The following EPHA10 variants were observed in gnomAD, a reference collection of about 807,000 sequenced individuals.
EPHA10 encodes EPH receptor A10, also known as ephrin type-A receptor 10.
EPHA10 carries 120 observed loss-of-function variants against 109.7 expected under a neutral mutation model. That is an observed-to-expected ratio of 1.09 (90% CI 0.94 to 1.27). The LOEUF (loss-of-function observed/expected upper bound fraction) is 1.27, where lower values mean the gene tolerates loss of function less well. Among genes scored for constraint, EPHA10 ranks in the 50% most tolerant of loss-of-function variants. The probability of loss-of-function intolerance (pLI) is 0.00; values close to 1 mark genes in which losing one functional copy is unlikely to be tolerated. For synonymous variants in EPHA10, 640 were observed against 618.9 expected, an observed-to-expected ratio of 1.03 and a Z score of -0.51; for missense variants, 1,396 against 1,411.1, an observed-to-expected ratio of 0.99 and a Z score of 0.17.
At chr1:37,761,108 TG>T in intron 3 of EPHA10, 1 of 1,064,376 alleles carries the variant, frequency 9.4e-7, no homozygotes. Context: ...AAAAAAACAA[TG>T]ACTTCCTTTA....
At chr1:37,730,152 G>A (rs1451321053) in intron 7 of EPHA10, among the ~76,000 whole-genome samples, 2 of 152,088 alleles carry the variant, frequency 1.3e-5, no homozygotes, top group African/African-American at 2.4e-5. Context: ...ACATTCAAAT[G>A]ATCCCCAGCT....
rs758553018 is a variant in EPHA10 at position 37,754,312 on chromosome 1, T to C, written c.909A>G (p.Pro303=). 7.6e-6 allele frequency: 10 copies of C among 1,320,578 alleles called. No homozygotes were observed. Among genetic ancestry groups the C allele is most frequent in the Non-Finnish European group, 9.7e-6 (10 of 1,029,392 alleles). 81.8% of individuals were successfully genotyped at this position (1,320,578 alleles called of 1,614,324 possible). The change falls in exon 4 of 17, where the codon CCA becomes CCG. Residue 303 remains proline, a synonymous_variant. Transcript: ENST00000373048. The surrounding 1 kb of genome is among the most constrained non-coding windows in gnomAD (Gnocchi z 4.5). ...SPRRPLCSPC[P]EHSRALENAS... ...CGTTTTCCAGGGCCCGGCTGTGCTCTGGGCACGGTGAGCAGAGGGGCCGCC... is the reference window on the plus strand; with the variant it reads ...CGTTTTCCAGGGCCCGGCTGTGCTCCGGGCACGGTGAGCAGAGGGGCCGCC...
In EPHA10 at chr1:37,761,726, CCT is replaced by C. The variant is rs1646433657; in HGVS notation, c.527_528del (p.Glu176GlyfsTer104). 8.1e-6 allele frequency: 13 copies of C among 1,613,796 alleles called. No individual in the cohort carries two copies. The East Asian group carries it at 2.9e-4, about 36-fold the overall frequency. Reference protein sequence around the residue: ...LGERKMKLNTEVREIGPLSRR... With the variant: ...LGERKMKLNTXVREIGPLSRR... ...CGGCTGAGCGGTCCGATCTCGCGCACCTCTGTGTTCAGCTTCATCTTGCGCTC... is the reference window on the plus strand; with the variant it reads ...CGGCTGAGCGGTCCGATCTCGCGCACCTGTGTTCAGCTTCATCTTGCGCTC... On this transcript the variant is annotated frameshift_variant, in exon 3 of 17. Transcript: ENST00000373048. LOFTEE classifies it high-confidence loss of function.
Position 37,761,670 on chromosome 1 carries a change from C to G in EPHA10, c.585G>C (p.Val195=), listed in dbSNP as rs768647182. 2 of 1,610,768 alleles carry G rather than the reference C, an allele frequency of 1.2e-6. No individual in the cohort carries two copies. Among genetic ancestry groups the G allele is most frequent in the Non-Finnish European group, 1.7e-6 (2 of 1,179,880 alleles). ...RRGFHLAFQD[V]GACVALVSVR... is the part of the protein sequence containing the mutation. ...CCGAGACAAGCGCCACGCATGCGCCCACGTCCTGAAAGGCCAGGTGGAAAC... is the reference window on the plus strand; with the variant it reads ...CCGAGACAAGCGCCACGCATGCGCCGACGTCCTGAAAGGCCAGGTGGAAAC... The change falls in exon 3 of 17, where the codon GTG becomes GTC. Residue 195 remains valine, a synonymous_variant. Transcript: ENST00000373048.
chr1:37,714,942 G>C (rs1645670899), downstream of EPHA10: 1 of 152,232 alleles, frequency 6.6e-6, no homozygotes. Flanking sequence ...CTGTGTTACA[G>C]TAGCCCAAGC....
chr1:37,753,088 C>T lies in EPHA10; in HGVS notation c.1145G>A (p.Arg382His). ...TYSLLCLRCG[R>H]EGPAGACEPC... ...CTCGCAGGCGCCCGCCGGGCCCTCG[C>T]GGCCGCAGCGCAGGCACAGCAGCGA... Residue 382 changes from arginine (R) to histidine (H), a missense_variant, in exon 5 of 17, where the codon CGC becomes CAC. Coordinates refer to ENST00000373048, the MANE Select transcript of EPHA10 (RefSeq NM_001099439.2). 1 of 1,316,484 alleles carries T rather than the reference C, an allele frequency of 7.6e-7. No homozygotes were observed. Among genetic ancestry groups the T allele is most frequent in the Non-Finnish European group, 9.7e-7 (1 of 1,032,406 alleles). The allele number at this position is 1,316,484 out of a possible 1,614,324, so 81.6% of individuals were successfully genotyped here.
At chr1:37,749,839 G>A (rs1646296359) in intron 5 of EPHA10, among the ~76,000 whole-genome samples, 1 of 152,294 alleles carries the variant, frequency 6.6e-6, no homozygotes, top group East Asian at 1.9e-4. Flanking sequence ...AGACAGCATA[G>A]CCTATGACAC....
chr1:37,723,329 C>T lies in EPHA10; in HGVS notation c.1816G>A (p.Glu606Lys), dbSNP rs370292139. Residue 606 changes from glutamate to lysine, a missense_variant, in exon 9 of 17, where the codon GAG becomes AAG. Coordinates refer to ENST00000373048, the MANE Select transcript of EPHA10 (RefSeq NM_001099439.2). ...AACTCACAGTGGAAATACAGCTCCT[C>T]TTCATCATGGGCATCCCCTCCTCCT... ...GKGGGDAHDE[E>K]ELYFHFKVPT... The T allele has an allele frequency of 1.2e-6, 2 of 1,614,064 alleles. No homozygotes were observed. Among genetic ancestry groups the T allele is most frequent in the Non-Finnish European group, 1.7e-6 (2 of 1,180,038 alleles).
At chr1:37,718,982 G>C in intron 15 of EPHA10, 166 bp from the exon 16 acceptor site, 1 of 895,372 alleles carries the variant, frequency 1.1e-6, no homozygotes, top group Non-Finnish European at 1.7e-6. Flanking sequence ...GAAGAAGCGA[G>C]GGCTTCAGGT....
chr1:37,762,029 C>G lies in EPHA10; in HGVS notation c.226G>C (p.Val76Leu), dbSNP rs751086322. 1.4e-5 allele frequency: 23 copies of G among 1,613,112 alleles called. No homozygotes were observed. The highest frequency in any genetic ancestry group is 1.9e-5 in the Non-Finnish European group (22 of 1,179,458). ...TGGTTGGGCTCCAGCACATTGCACACTTGGTACGTGCGGATGGGACGGTCG... is the reference window on the plus strand; with the variant it reads ...TGGTTGGGCTCCAGCACATTGCACAGTTGGTACGTGCGGATGGGACGGTCG... ...EHDRPIRTYQ[V>L]CNVLEPNQDN... Residue 76 changes from valine to leucine, a missense_variant, in exon 3 of 17, where the codon GTG becomes CTG. Coordinates refer to ENST00000373048, the MANE Select transcript of EPHA10 (RefSeq NM_001099439.2).
At position 37,737,147 on chromosome 1, in the gene EPHA10, G is replaced by A. The variant is rs368450458; in HGVS notation, c.1358-1757C>T. On this transcript the variant is annotated intron_variant, in intron 5 of 16. Coordinates refer to ENST00000373048, the MANE Select transcript of EPHA10 (RefSeq NM_001099439.2). The stretch of plus-strand genomic sequence containing the variant: ...GACCATGAATAGTCAACACAATCAT[G>A]GGAAGGAAAAATAAAGGTGGGCCAG... Among the ~76,000 whole-genome samples the A allele has an allele frequency of 5.9e-5, 9 of 152,230 alleles. No individual in the cohort carries two copies. The East Asian group carries it at 1.5e-3, about 26-fold the overall frequency.
intron 13 of EPHA10, 67 bp from the exon 14 acceptor site, chr1:37,720,125 A>G: frequency 6.3e-7 from 1 of 1,587,214 alleles, no homozygotes; most frequent in Non-Finnish European, 8.6e-7. Context: ...CACCCCACTG[A>G]GCCCCAGATC....
In EPHA10 at chr1:37,762,066, G is replaced by A. The variant is rs777001575; in HGVS notation, c.189C>T (p.Gly63=). The A allele has an allele frequency of 1.1e-5, 17 of 1,589,318 alleles. No homozygotes were observed. Among genetic ancestry groups the A allele is most frequent in the Non-Finnish European group, 1.4e-5 (16 of 1,165,326 alleles). ...GGATGGGACGGTCGTGTTCATCCAC[G>A]CCGCTGATCTCCTCCCACTGGGGAC... ...LPSNGWEEIS[G]VDEHDRPIRT... The change falls in exon 3 of 17, where the codon GGC becomes GGT. Residue 63 remains glycine (G), a synonymous_variant. Coordinates refer to ENST00000373048, the MANE Select transcript of EPHA10 (RefSeq NM_001099439.2).
chr1:37,761,344 C>G, intron 3 of EPHA10, 61 bp downstream of exon 3: 1 of 1,568,728 alleles, frequency 6.4e-7, no homozygotes. Context: ...AGGGCACACT[C>G]TCTCTCAATT....
In EPHA10 at chr1:37,764,447, A is replaced by G. The variant is rs150095273; in HGVS notation, c.106+514T>C. Among the ~76,000 whole-genome samples, 81 of 152,340 alleles carry G rather than the reference A, an allele frequency of 5.3e-4. No individual in the cohort carries two copies. The highest frequency in any genetic ancestry group is 1.9e-3 in the African/African-American group (77 of 41,584). Reference sequence around the variant, plus strand: ...CAACGCGGAGCGCGCCCGGCAGACTACGCTCAGAATTCAGCACTGCGGACA... The same window carrying G: ...CAACGCGGAGCGCGCCCGGCAGACTGCGCTCAGAATTCAGCACTGCGGACA... On this transcript the variant is annotated intron_variant, in intron 1 of 16. Transcript: ENST00000373048. The surrounding 1 kb of genome is among the most constrained non-coding windows in gnomAD (Gnocchi z 5.8).
intron 5 of EPHA10, among the ~76,000 whole-genome samples, chr1:37,746,328 C>T (rs1344659410): frequency 1.3e-5 from 2 of 152,022 alleles, no homozygotes; most frequent in African/African-American, 2.4e-5. Context: ...AACTCCTGAC[C>T]TCAGGTGATC....
chr1:37,749,725 C>T (rs1426299498), intron 5 of EPHA10, among the ~76,000 whole-genome samples: 1 of 151,638 alleles, frequency 6.6e-6, no homozygotes, highest in African/African-American at 2.4e-5. Context: ...GTTAGTATTA[C>T]ATATACCATC....
At chr1:37,733,938 C>G (rs1646029083) in intron 6 of EPHA10, among the ~76,000 whole-genome samples, 1 of 152,174 alleles carries the variant, frequency 6.6e-6, no homozygotes, top group Admixed American at 6.5e-5. Context: ...TTGCTCCAAG[C>G]CTGCCCTTCC....
At chr1:37,760,457 G>T (rs1323333798) in intron 3 of EPHA10, 15 of 1,054,774 alleles carry the variant, frequency 1.4e-5, no homozygotes, top group Non-Finnish European at 1.7e-5. Flanking sequence ...CACAGTGATT[G>T]TAGTTCAGAG....
Sources: gnomAD v4.1 joint callset for allele counts (sites outside exome capture counted in the v4.1 genomes callset) on GRCh38, gnomAD v4.1.1 for gene constraint, Gnocchi (gnomAD v3.1) non-coding constraint, MANE v1.5 for transcripts, NCBI Gene and HGNC (gene_info 2026-07-23, HGNC 2026-07-21) for gene names.